The following PROS1 variants were observed in gnomAD, a reference collection of about 807,000 sequenced individuals.
PROS1 encodes the protein vitamin K-dependent protein S.
In PROS1, 29 loss-of-function variants were observed where a neutral mutation model predicts 75.9. The observed-to-expected ratio is 0.38, with a 90% CI of 0.28 to 0.52. The LOEUF is 0.52. Among genes scored for constraint, PROS1 ranks in the 20% least tolerant of loss-of-function variants. The probability of loss-of-function intolerance (pLI) is 0.83; values close to 1 mark genes in which losing one functional copy is unlikely to be tolerated. For missense variants in PROS1, 680 were observed against 810.3 expected, an observed-to-expected ratio of 0.84 and a Z score of 1.95; for synonymous variants, 245 against 280.6, an observed-to-expected ratio of 0.87 and a Z score of 1.27.
chr3:93,892,891 T>C, intron 10 of PROS1, 42 bp downstream of exon 10: 2 of 1,567,976 alleles, frequency 1.3e-6, no homozygotes, highest in South Asian at 1.1e-5. Flanking sequence ...TTATACAGAC[T>C]GCATCAAAGT....
intron 1 of PROS1, among the ~76,000 whole-genome samples, chr3:93,939,337 G>A (rs902960596): frequency 2.6e-5 from 4 of 151,444 alleles, no homozygotes; most frequent in African/African-American, 4.9e-5. Context: ...TTTCCCTCTC[G>A]CCCGTCCCCT....
intron 1 of PROS1, among the ~76,000 whole-genome samples, chr3:93,961,732 G>GT (rs905504340): frequency 2.4e-4 from 36 of 152,222 alleles, no homozygotes; most frequent in African/African-American, 8.4e-4. Context: ...GCTGAATGTG[G>GT]TAATATTGCT....
chr3:93,890,405 T>G (rs1708415224), intron 10 of PROS1, among the ~76,000 whole-genome samples: 1 of 152,200 alleles, frequency 6.6e-6, no homozygotes, highest in African/African-American at 2.4e-5. Context: ...GCATGTGATC[T>G]TTGGTCTCCT....
chr3:93,906,204 G>A (rs1216647799), intron 4 of PROS1, 61 bp from the exon 5 acceptor site: 2 of 1,572,466 alleles, frequency 1.3e-6, no homozygotes, highest in Non-Finnish European at 1.7e-6. Context: ...ATAAAATTGT[G>A]TGTACTATAA....
intron 1 of PROS1, 125 bp from the exon 2 acceptor site, chr3:93,927,532 A>G: frequency 8.6e-7 from 1 of 1,161,492 alleles, no homozygotes; most frequent in Admixed American, 2.7e-5. Context: ...AATCAGTATG[A>G]TCGAACTAAG....
intron 1 of PROS1, among the ~76,000 whole-genome samples, chr3:93,954,958 C>T (rs1709573030): frequency 6.6e-6 from 1 of 152,168 alleles, no homozygotes; most frequent in Admixed American, 6.5e-5. Context: ...TTTATGCAGC[C>T]AACAGACACA....
intron 4 of PROS1, among the ~76,000 whole-genome samples, chr3:93,909,858 CATAGAAAATA>C (rs1337038000): frequency 5.3e-5 from 8 of 151,974 alleles, no homozygotes; most frequent in African/African-American, 1.2e-4. Flanking sequence ...AGTTTAAAAT[CATAGAAAATA>C]ATAGAAAATT....
intron 10 of PROS1, among the ~76,000 whole-genome samples, chr3:93,891,692 G>A (rs1708432612): frequency 6.6e-6 from 1 of 152,128 alleles, no homozygotes; most frequent in Non-Finnish European, 1.5e-5. Flanking sequence ...TTACAGGCAT[G>A]AGCCACTGCG....
intron 1 of PROS1, among the ~76,000 whole-genome samples, chr3:93,954,091 G>C (rs1225444417): frequency 6.6e-6 from 1 of 152,150 alleles, no homozygotes; most frequent in Non-Finnish European, 1.5e-5. Flanking sequence ...CAAAAAAATG[G>C]AAGAACATTC....
chr3:93,940,326 T>C (rs1350140173), intron 1 of PROS1, among the ~76,000 whole-genome samples: 3 of 152,120 alleles, frequency 2.0e-5, no homozygotes, highest in Admixed American at 6.6e-5. Flanking sequence ...TCCTGGACCA[T>C]CACATATGCT....
chr3:93,882,653 T>C (rs1457157011), intron 12 of PROS1, among the ~76,000 whole-genome samples: 2 of 152,154 alleles, frequency 1.3e-5, no homozygotes, highest in Non-Finnish European at 2.9e-5. Flanking sequence ...CTGAACTCCA[T>C]GTAGGGGCTG....
intron 1 of PROS1, among the ~76,000 whole-genome samples, chr3:93,946,875 C>A (rs969876687): frequency 3.1e-4 from 44 of 142,376 alleles, no homozygotes; most frequent in African/African-American, 1.1e-3. Flanking sequence ...TCAGAGTGAA[C>A]AGGCAACCTA....
At chr3:93,910,325 A>G (rs1708741764) in intron 4 of PROS1, among the ~76,000 whole-genome samples, 1 of 152,218 alleles carries the variant, frequency 6.6e-6, no homozygotes, top group Non-Finnish European at 1.5e-5. Context: ...TGATTATGCA[A>G]CAACAGCCAA....
intron 3 of PROS1, among the ~76,000 whole-genome samples, chr3:93,916,194 G>C (rs1708845633): frequency 6.6e-6 from 1 of 152,112 alleles, no homozygotes; most frequent in African/African-American, 2.4e-5. Flanking sequence ...GTAGTTTTAG[G>C]TCTCGAGTAG....
In PROS1 at chr3:93,884,773, A is replaced by T; in HGVS notation, c.1447T>A (p.Ser483Thr). 1 of 1,613,952 alleles carries T rather than the reference A, an allele frequency of 6.2e-7. No individual in the cohort carries two copies. The highest frequency in any genetic ancestry group is 8.5e-7 in the Non-Finnish European group (1 of 1,179,922). Residue 483 changes from serine to threonine, a missense_variant, in exon 12 of 15, where the codon TCC becomes ACC. Physicochemically the swap from Ser to Thr is moderately conservative, Grantham distance 58 (BLOSUM62 1). Transcript: ENST00000394236. Reference protein sequence around the residue: ...KHCLVTVEKGSYYPGSGIAQF... With the variant: ...KHCLVTVEKGTYYPGSGIAQF... Reference sequence around the variant, plus strand: ...GCAATTCCAGAACCAGGATAGTAGGAGCCCTTCTCCACAGTAACCAGGCAA... The same window carrying T: ...GCAATTCCAGAACCAGGATAGTAGGTGCCCTTCTCCACAGTAACCAGGCAA...
intron 1 of PROS1, among the ~76,000 whole-genome samples, chr3:93,965,268 C>T (rs1402057659): frequency 1.3e-5 from 2 of 152,196 alleles, no homozygotes; most frequent in East Asian, 3.9e-4. Flanking sequence ...AGCTTTTGCT[C>T]GCCGTCCACA....
At chr3:93,934,117 C>T (rs1235543453) in intron 1 of PROS1, among the ~76,000 whole-genome samples, 2 of 148,934 alleles carry the variant, frequency 1.3e-5, no homozygotes, top group Non-Finnish European at 3.0e-5. Flanking sequence ...GAGGCGGAGG[C>T]TGGAGTGAGC....
chr3:93,945,533 A>G (rs1034868561), intron 1 of PROS1, among the ~76,000 whole-genome samples: 2 of 152,244 alleles, frequency 1.3e-5, no homozygotes, highest in African/African-American at 4.8e-5. Context: ...CTAATCCATC[A>G]TATGAACAGA....
In PROS1 at chr3:93,960,301, T is replaced by C. The variant is rs555480668; in HGVS notation, c.76+13373A>G. 3.3e-5 allele frequency among the ~76,000 whole-genome samples: 5 copies of C among 151,764 alleles called. No homozygotes were observed. The South Asian group carries it at 6.2e-4, about 19-fold the overall frequency. On this transcript the variant is annotated intron_variant, in intron 1 of 14. Coordinates refer to ENST00000394236, the MANE Select transcript of PROS1 (RefSeq NM_000313.4). ...ACGCCATTCTCCTGCCTCAGCCTCCTGAGTAGCTGGGACTACAGGTGCCCA... is the reference window on the plus strand; with the variant it reads ...ACGCCATTCTCCTGCCTCAGCCTCCCGAGTAGCTGGGACTACAGGTGCCCA...
Sources: gnomAD v4.1 joint callset for allele counts (sites outside exome capture counted in the v4.1 genomes callset) on GRCh38, gnomAD v4.1.1 for gene constraint, MANE v1.5 for transcripts, NCBI Gene and HGNC (gene_info 2026-07-23, HGNC 2026-07-21) for gene names.